SHB: variants seen among roughly 807,000 people sequenced by gnomAD.
The protein encoded by SHB is SH2 domain containing adaptor protein B.
In SHB, 20 loss-of-function variants were observed where a neutral mutation model predicts 52.3. The observed-to-expected ratio is 0.38, with a 90% confidence interval of 0.27 to 0.56. The LOEUF is 0.56. SHB is among the 20% of genes least tolerant of loss of function. SHB has a pLI of 0.71. For synonymous variants in SHB, 397 were observed against 316.5 expected, an observed-to-expected ratio of 1.25 and a Z score of -2.70; for missense variants, 825 against 723.3, an observed-to-expected ratio of 1.14 and a Z score of -1.61.
chr9:38,034,041 C>T (rs1190305440), intron 1 of SHB, among the ~76,000 whole-genome samples: 2 of 152,178 alleles, frequency 1.3e-5, no homozygotes, highest in Admixed American at 6.5e-5. Context: ...AAATATTAAC[C>T]TCATTCCTGG....
chr9:37,965,439 G>A (rs536093480), intron 3 of SHB, among the ~76,000 whole-genome samples: 4 of 152,336 alleles, frequency 2.6e-5, no homozygotes, highest in South Asian at 2.1e-4. Flanking sequence ...ACCTAGTGAG[G>A]AGACAGGTAT....
At chr9:37,931,764 C>G (rs997004324) in intron 5 of SHB, among the ~76,000 whole-genome samples, 1 of 152,188 alleles carries the variant, frequency 6.6e-6, no homozygotes, top group Non-Finnish European at 1.5e-5. Context: ...GAAGTAAAAT[C>G]ACCATCTTGT....
At chr9:38,028,900 C>T (rs1266899403) in intron 1 of SHB, among the ~76,000 whole-genome samples, 2 of 152,182 alleles carry the variant, frequency 1.3e-5, no homozygotes. Flanking sequence ...TGCCATTCCA[C>T]GGGGTGGTAG....
chr9:38,037,929 CA>C (rs1226129365), intron 1 of SHB, among the ~76,000 whole-genome samples: 1 of 152,226 alleles, frequency 6.6e-6, no homozygotes, highest in Non-Finnish European at 1.5e-5. Flanking sequence ...TGACATTTCA[CA>C]TTCTGTCACA....
intron 2 of SHB, among the ~76,000 whole-genome samples, chr9:37,992,884 C>A (rs77671532): frequency 2.0e-5 from 1 of 50,564 alleles, no homozygotes; most frequent in East Asian, 3.5e-4. Flanking sequence ...CACACAAACA[C>A]ACACACACAC....
intron 5 of SHB, among the ~76,000 whole-genome samples, chr9:37,939,033 C>T (rs1832407417): frequency 1.3e-5 from 2 of 152,208 alleles, no homozygotes; most frequent in African/African-American, 4.8e-5. Flanking sequence ...CCTCCTCCCT[C>T]TCATCAATTC....
In SHB at chr9:37,920,275, A is replaced by AAAAACAAAACAAAAC. The variant is rs60630259; in HGVS notation, c.1347-286_1347-272dup. 2.7e-3 allele frequency among the ~76,000 whole-genome samples: 390 copies of AAAAACAAAACAAAAC among 145,374 alleles called. 4 individuals carry two copies. The highest frequency in any genetic ancestry group is 4.5e-3 in the African/African-American group (179 of 39,342). On this transcript the variant is annotated intron_variant, in intron 5 of 5. Transcript: ENST00000377707. ...TGAGCGCTTCTAGGGACTTCTTCAG[A>AAAAACAAAACAAAAC]AAAACAAAACAAAACAAAACAAAAC...
rs185955175 is a variant in SHB, at chr9:37,986,636, T to C, written c.839-11799A>G. On this transcript the variant is annotated intron_variant, in intron 2 of 5. Coordinates refer to ENST00000377707, the MANE Select transcript of SHB (RefSeq NM_003028.3). ...ACCCTTTCAAGAAGTGGGCAGAAGA[T>C]GCCCAGGGCTCCAGAAAGCAAAACA... 1.7e-3 allele frequency among the ~76,000 whole-genome samples: 255 copies of C among 152,318 alleles called. 1 individual carries two copies. Among genetic ancestry groups the C allele is most frequent in the African/African-American group, 6.0e-3 (249 of 41,574 alleles).
chr9:37,970,759 G>A (rs915986115), intron 3 of SHB, among the ~76,000 whole-genome samples: 12 of 151,866 alleles, frequency 7.9e-5, no homozygotes, highest in African/African-American at 2.9e-4. Context: ...CCCCAGTGAT[G>A]GGAAGCTCAT....
Position 38,068,288 on chromosome 9 carries a change from C to A in SHB, c.358G>T (p.Glu120Ter). 6.8e-7 allele frequency: 1 copy of A among 1,480,108 alleles called. No individual in the cohort carries two copies. The highest frequency in any genetic ancestry group is 8.9e-7 in the Non-Finnish European group (1 of 1,121,126). 91.7% of individuals were successfully genotyped at this position (1,480,108 alleles called of 1,614,324 possible). A position where few individuals can be genotyped will look rare whatever the true frequency, so the allele number is the denominator to read the frequency against. The change falls in exon 1 of 6, where the codon GAG becomes TAG. Residue 120 changes from glutamate to a stop codon, truncating the protein, a stop_gained. Coordinates refer to ENST00000377707, the MANE Select transcript of SHB (RefSeq NM_003028.3). LOFTEE classifies it high-confidence loss of function. ...CRLDYCGGSG[E>*]PGGVQRAFSA... ...AAGGCGCGCTGGACCCCGCCTGGCT[C>A]CCCGCTGCCGCCGCAGTAGTCCAGG...
chr9:38,048,453 G>GT (rs1173377290), intron 1 of SHB, among the ~76,000 whole-genome samples: 2 of 152,178 alleles, frequency 1.3e-5, no homozygotes, highest in African/African-American at 2.4e-5. Flanking sequence ...GGGCAGCACA[G>GT]TGAGAGCCTG....
At chr9:38,057,633 G>T (rs1231696481) in intron 1 of SHB, among the ~76,000 whole-genome samples, 2 of 152,224 alleles carry the variant, frequency 1.3e-5, no homozygotes, top group Non-Finnish European at 2.9e-5. Context: ...TGTGGCTTTG[G>T]AATGCACCAG....
chr9:37,938,955 T>C (rs986200927), intron 5 of SHB, among the ~76,000 whole-genome samples: 2 of 152,214 alleles, frequency 1.3e-5, no homozygotes, highest in African/African-American at 4.8e-5. Flanking sequence ...CAGGTCTACG[T>C]TGCAGCCGGG....
In SHB at chr9:38,067,975, C is replaced by T. The variant is rs1286340587; in HGVS notation, c.671G>A (p.Cys224Tyr). 1 of 1,553,200 alleles carries T rather than the reference C, an allele frequency of 6.4e-7. No homozygotes were observed. The highest frequency in any genetic ancestry group is 2.5e-5 in the East Asian group (1 of 40,526). ...GCTCTCCTCCGCGGCTGAGGCGGCG[C>T]ACTTGTTGAGCAGTTTCTTGCCTCC... ...ACGGKKLLNK[C>Y]AASAAEESGA... is the part of the protein sequence containing the mutation. The change falls in exon 1 of 6, where the codon TGC (cysteine) becomes TAC (tyrosine). Residue 224 changes from cysteine (C) to tyrosine (Y), a missense_variant. Cys to Tyr is a radical substitution (Grantham distance 194). Transcript: ENST00000377707.
intron 2 of SHB, among the ~76,000 whole-genome samples, chr9:38,006,397 A>T (rs780445484): frequency 2.0e-5 from 3 of 152,192 alleles, no homozygotes; most frequent in Non-Finnish European, 4.4e-5. Context: ...CACCCTGCCC[A>T]GCACGCAGGG....
At chr9:38,012,636 C>T (rs1564101610) in intron 2 of SHB, among the ~76,000 whole-genome samples, 1 of 151,846 alleles carries the variant, frequency 6.6e-6, no homozygotes. Flanking sequence ...TACTGCTTTG[C>T]AGGGGAAAAC....
intron 1 of SHB, among the ~76,000 whole-genome samples, chr9:38,057,023 A>G (rs1821830173): frequency 6.6e-6 from 1 of 152,242 alleles, no homozygotes; most frequent in Non-Finnish European, 1.5e-5. Context: ...TTTCTAGAAC[A>G]CAATTTGAAA....
chr9:38,004,396 A>G (rs966903139), intron 2 of SHB, among the ~76,000 whole-genome samples: 13 of 152,086 alleles, frequency 8.5e-5, no homozygotes, highest in Non-Finnish European at 1.6e-4. Flanking sequence ...TCGGAAGGGA[A>G]GGGCCGCGGT....
At chr9:37,927,585 G>A (rs1832265222) in intron 5 of SHB, among the ~76,000 whole-genome samples, 1 of 152,186 alleles carries the variant, frequency 6.6e-6, no homozygotes, top group Non-Finnish European at 1.5e-5. Context: ...CATAAGGCTC[G>A]TTTTAGCACA....
Sources: allele counts gnomAD v4.1 joint callset (sites outside exome capture counted in the v4.1 genomes callset), GRCh38; gene constraint gnomAD v4.1.1; transcripts MANE v1.5; gene names NCBI Gene and HGNC (gene_info 2026-07-23, HGNC 2026-07-21).